The following RLF variants were observed in gnomAD, a reference collection of about 807,000 sequenced individuals.
RLF encodes the protein RLF zinc finger.
In RLF, 7 loss-of-function variants were observed where a neutral mutation model predicts 162.9. The ratio of observed to expected loss-of-function variants is 0.04; its 90% CI spans 0.02 to 0.08. RLF has a LOEUF of 0.08. RLF is among the 10% of genes least tolerant of loss of function. The pLI is 1.00. For missense variants in RLF, 1,664 were observed against 2,244.7 expected, an observed-to-expected ratio of 0.74 and a Z score of 5.23; for synonymous variants, 782 against 791.5, an observed-to-expected ratio of 0.99 and a Z score of 0.20.
At chr1:40,233,401 C>G (rs1048891844) in intron 7 of RLF, among the ~76,000 whole-genome samples, 5 of 152,184 alleles carry the variant, frequency 3.3e-5, no homozygotes, top group African/African-American at 1.2e-4. Flanking sequence ...AATGGCCATT[C>G]TTTGCTGTCC....
At chr1:40,215,689 C>T (rs1330815784) in intron 5 of RLF, among the ~76,000 whole-genome samples, 3 of 152,078 alleles carry the variant, frequency 2.0e-5, no homozygotes, top group African/African-American at 7.2e-5. Flanking sequence ...TCACGTGGTC[C>T]TCCCACTTCA....
At chr1:40,194,372 C>T (rs575916151) in intron 3 of RLF, among the ~76,000 whole-genome samples, 478 of 152,214 alleles carry the variant, frequency 3.1e-3, no homozygotes, top group African/African-American at 0.011. Flanking sequence ...GGCACAGTGG[C>T]TCATGCCTTT....
At chr1:40,227,809 C>G (rs1643097398) in intron 6 of RLF, among the ~76,000 whole-genome samples, 1 of 152,194 alleles carries the variant, frequency 6.6e-6, no homozygotes, top group East Asian at 1.9e-4. Context: ...TCAAGACCAA[C>G]CTGGCCAAGA....
At chr1:40,189,336 A>T in intron 2 of RLF, 127 bp downstream of exon 2, 1 of 730,042 alleles carries the variant, frequency 1.4e-6, no homozygotes, top group Non-Finnish European at 2.2e-6. Context: ...CATTGAATGA[A>T]ATTTCCTTCC....
At chr1:40,217,542 C>T (rs145454454) in intron 5 of RLF, among the ~76,000 whole-genome samples, 2,820 of 152,070 alleles carry the variant, frequency 0.019, 63 homozygotes, top group Admixed American at 0.065. Flanking sequence ...GAAGCCGAGG[C>T]GAGCAGATTG....
At chr1:40,181,692 A>G (rs1642406459) in intron 1 of RLF, among the ~76,000 whole-genome samples, 1 of 152,252 alleles carries the variant, frequency 6.6e-6, no homozygotes, top group East Asian at 1.9e-4. Context: ...TATTTCTTCT[A>G]TTAAGCTGAT....
chr1:40,207,502 G>T (rs1488548226), intron 5 of RLF, among the ~76,000 whole-genome samples: 2 of 152,328 alleles, frequency 1.3e-5, no homozygotes, highest in East Asian at 3.9e-4. Context: ...TGTATAGGTT[G>T]ATTGCATCCT....
At chr1:40,223,943 G>A (rs370406546) in intron 6 of RLF, among the ~76,000 whole-genome samples, 2 of 152,242 alleles carry the variant, frequency 1.3e-5, no homozygotes, top group East Asian at 1.9e-4. Context: ...CTATGCCAGA[G>A]TTATACCTCC....
At chr1:40,224,343 C>G (rs1248609961) in intron 6 of RLF, among the ~76,000 whole-genome samples, 3 of 137,116 alleles carry the variant, frequency 2.2e-5, no homozygotes, top group Admixed American at 1.5e-4. Context: ...AAGTCTTGCT[C>G]TGTCACCCAG....
At chr1:40,212,510 T>C (rs937937351) in intron 5 of RLF, among the ~76,000 whole-genome samples, 2 of 152,210 alleles carry the variant, frequency 1.3e-5, no homozygotes, top group African/African-American at 4.8e-5. Context: ...TTTTCATTAC[T>C]GAAAGGGGAA....
chr1:40,196,293 C>T (rs551366925), intron 4 of RLF, among the ~76,000 whole-genome samples: 44 of 152,082 alleles, frequency 2.9e-4, no homozygotes, highest in Non-Finnish European at 5.1e-4. Context: ...AGGTTGGTTT[C>T]GGACTCCTGA....
intron 5 of RLF, among the ~76,000 whole-genome samples, chr1:40,207,463 A>G (rs1190610459): frequency 6.6e-6 from 1 of 152,194 alleles, no homozygotes; most frequent in Non-Finnish European, 1.5e-5. Flanking sequence ...CCAAGATGAA[A>G]CCAAGTACAG....
rs558275592 is a variant in RLF at position 40,176,007 on chromosome 1, T to TA, written c.238-13047dup. On this transcript the variant is annotated intron_variant, in intron 1 of 7. Transcript: ENST00000372771. ...TGCATTTTTAAGAATTTTATATAAATACTATAATCATATAGTCTCTCTTTT... is the reference window on the plus strand; with the variant it reads ...TGCATTTTTAAGAATTTTATATAAATAACTATAATCATATAGTCTCTCTTTT... Among the ~76,000 whole-genome samples, 207 of 152,326 alleles carry TA rather than the reference T, an allele frequency of 1.4e-3. 1 individual carries two copies. The South Asian group carries it at 0.018, about 13-fold the overall frequency.
At position 40,175,708 on chromosome 1, in the gene RLF, C is replaced by CCCT. The variant is rs1403793378; in HGVS notation, c.238-13345_238-13344insTCC. ...GGCTGAGGCAGGAGAATCTCTTGAA[C>CCCT]CCGGGAAGTGGAGGTTGCAGTGAGC... On this transcript the variant is annotated intron_variant, in intron 1 of 7. Transcript: ENST00000372771. 6.6e-5 allele frequency among the ~76,000 whole-genome samples: 10 copies of CCCT among 151,522 alleles called. No homozygotes were observed. The East Asian group carries it at 1.9e-3, about 29-fold the overall frequency.
chr1:40,199,053 G>A (rs1003645105), intron 4 of RLF, among the ~76,000 whole-genome samples: 4 of 152,254 alleles, frequency 2.6e-5, no homozygotes, highest in Non-Finnish European at 4.4e-5. Context: ...TGCCTGCTAT[G>A]TGTTGGGCAC....
At chr1:40,211,828 A>G (rs187234762) in intron 5 of RLF, among the ~76,000 whole-genome samples, 3 of 151,970 alleles carry the variant, frequency 2.0e-5, no homozygotes, top group Admixed American at 6.6e-5. Flanking sequence ...CACCGTTTCT[A>G]CTGGTGACCA....
rs1476397646 is a variant in RLF, at chr1:40,235,866, G to A, written c.1164G>A (p.Glu388=). The A allele has an allele frequency of 6.2e-7, 1 of 1,614,000 alleles. No homozygotes were observed. Among genetic ancestry groups the A allele is most frequent in the Non-Finnish European group, 8.5e-7 (1 of 1,179,984 alleles). The change falls in exon 8 of 8, where the codon GAG becomes GAA. Residue 388 remains glutamate, a synonymous_variant. Transcript: ENST00000372771. ...TTCAACTCAGATCAAGTGAAGATGA[G>A]GAAATGAAGGCATCAGTTTGTAAAA... is the stretch of plus-strand genomic sequence containing the variant. ...RALQLRSSED[E]EMKASVCKTI... is the part of the protein sequence containing the mutation.
At chr1:40,220,112 C>T (rs1642972779) in intron 5 of RLF, among the ~76,000 whole-genome samples, 1 of 152,050 alleles carries the variant, frequency 6.6e-6, no homozygotes, top group South Asian at 2.1e-4. Context: ...GTAGTAATCC[C>T]AGCTACTCGG....
intron 2 of RLF, 142 bp downstream of exon 2, chr1:40,189,351 C>G: frequency 1.5e-6 from 1 of 646,924 alleles, no homozygotes; most frequent in Non-Finnish European, 2.5e-6. Flanking sequence ...CCTTCCTACT[C>G]ACGTTCCCAG....
Sources: allele counts gnomAD v4.1 joint callset (sites outside exome capture counted in the v4.1 genomes callset), GRCh38; gene constraint gnomAD v4.1.1; transcripts MANE v1.5; gene names NCBI Gene and HGNC (gene_info 2026-07-23, HGNC 2026-07-21).